NEDD9: variants seen among roughly 807,000 people sequenced by gnomAD.
The protein encoded by NEDD9 is neural precursor cell expressed, developmentally down-regulated 9, also known as enhancer of filamentation 1.
NEDD9 carries 26 observed loss-of-function variants against 76.6 expected under a neutral mutation model. That is an observed-to-expected ratio of 0.34 (90% CI 0.25 to 0.47). The LOEUF (loss-of-function observed/expected upper bound fraction) is 0.47. Ranked by LOEUF, NEDD9 falls within the 20% of genes least tolerant of loss-of-function variation. NEDD9 has a pLI of 1.00. For synonymous variants in NEDD9, 392 were observed against 414.2 expected (o/e 0.95, Z 0.65); for missense variants, 937 against 1,058.5 (o/e 0.89, Z 1.59).
intron 3 of NEDD9, among the ~76,000 whole-genome samples, chr6:11,257,671 A>G (rs1760030590): frequency 6.6e-6 from 1 of 152,156 alleles, no homozygotes; most frequent in South Asian, 2.1e-4. Context: ...ATTCCAATGC[A>G]GCAGAAGAGC....
rs1004710962 is a variant in NEDD9, at chr6:11,237,704, C to T, written c.13-23977G>A. ...GAGCTGTAATGGCAGACTCTGAGCA[C>T]ATGCCACAGAGATGGCAAAGCCCCC... On this transcript the variant is annotated intron_variant, in intron 3 of 3. Transcript: ENST00000397378. This position sits in a 1 kb window ranked among gnomAD's most constrained non-coding sequence, Gnocchi z 4.9. Among the ~76,000 whole-genome samples, 1 of 152,190 alleles carries T rather than the reference C, an allele frequency of 6.6e-6. No homozygotes were observed. The highest frequency in any genetic ancestry group is 2.4e-5 in the African/African-American group (1 of 41,426).
At chr6:11,224,254 G>A (rs1202523262) in intron 1 of NEDD9, among the ~76,000 whole-genome samples, 1 of 152,212 alleles carries the variant, frequency 6.6e-6, no homozygotes, top group African/African-American at 2.4e-5. Flanking sequence ...GGTGATGTCT[G>A]TAAGGAAATG....
At chr6:11,247,601 TC>T (rs1187479593) in intron 3 of NEDD9, among the ~76,000 whole-genome samples, 1 of 151,872 alleles carries the variant, frequency 6.6e-6, no homozygotes, top group Non-Finnish European at 1.5e-5. Context: ...ACTCCCCATT[TC>T]CCCCCAGGCC....
intron 3 of NEDD9, among the ~76,000 whole-genome samples, chr6:11,279,416 A>G (rs1225040708): frequency 1.3e-5 from 2 of 152,238 alleles, no homozygotes; most frequent in Non-Finnish European, 2.9e-5. Context: ...ACAGAGGACG[A>G]TGCCAGCGGC....
intron 2 of NEDD9, among the ~76,000 whole-genome samples, chr6:11,326,771 C>T (rs1362562576): frequency 3.3e-5 from 5 of 152,220 alleles, no homozygotes; most frequent in Admixed American, 1.3e-4. Context: ...GCCCCTGCCC[C>T]GTACCATCTT....
At chr6:11,224,873 G>A (rs1403701651) in intron 1 of NEDD9, among the ~76,000 whole-genome samples, 5 of 152,062 alleles carry the variant, frequency 3.3e-5, no homozygotes, top group African/African-American at 1.2e-4. Flanking sequence ...GAAAACAAGT[G>A]GACTGTCATG....
At chr6:11,330,257 G>T (rs1230435966) in intron 2 of NEDD9, among the ~76,000 whole-genome samples, 2 of 152,202 alleles carry the variant, frequency 1.3e-5, no homozygotes, top group Non-Finnish European at 2.9e-5. Flanking sequence ...TCCAAAGTTA[G>T]ACACTCCTTC....
chr6:11,247,916 G>T (rs1455079843), intron 3 of NEDD9, among the ~76,000 whole-genome samples: 1 of 152,146 alleles, frequency 6.6e-6, no homozygotes, highest in Non-Finnish European at 1.5e-5. Flanking sequence ...GAGAAAGAAG[G>T]TCCCATGAAG....
intron 2 of NEDD9, among the ~76,000 whole-genome samples, chr6:11,333,319 G>T (rs1762087950): frequency 6.6e-6 from 1 of 152,202 alleles, no homozygotes; most frequent in African/African-American, 2.4e-5. Context: ...TAGGAGAGTT[G>T]TGTTAGGCAA....
Position 11,191,204 on chromosome 6 carries a change from A to G in NEDD9, c.665T>C (p.Val222Ala), listed in dbSNP as rs1056456587. Residue 222 changes from valine to alanine, a missense_variant and splice_region_variant, in exon 5 of 7, where the codon GTA (valine) becomes GCA (alanine). Physicochemically the swap from Val to Ala is moderately conservative, Grantham distance 64 (BLOSUM62 0). Transcript: ENST00000379446. ...GCAAGCAGAGGGCGGAATGGCATATACCTGCAAAGCAAGTAGAAAGCGAAA... is the reference window on the plus strand; with the variant it reads ...GCAAGCAGAGGGCGGAATGGCATATGCCTGCAAAGCAAGTAGAAAGCGAAA... The part of the protein sequence containing the change: ...GVYDIPPTKG[V>A]YAIPPSACRD... The G allele has an allele frequency of 3.2e-6, 5 of 1,582,722 alleles. No homozygotes were observed. Among genetic ancestry groups the G allele is most frequent in the Admixed American group, 3.6e-5 (2 of 55,222 alleles).
Position 11,327,382 on chromosome 6 carries a change from G to A in NEDD9, c.-153+7119C>T, listed in dbSNP as rs140358528. Among the ~76,000 whole-genome samples the A allele has an allele frequency of 1.8e-4, 27 of 152,230 alleles. No individual in the cohort carries two copies. The East Asian group carries it at 3.9e-3, about 22-fold the overall frequency. ...CATTGAAATAACCAGTTATTGCACC[G>A]CGTTCATACAGTTTTAGGCAAAAGA... On this transcript the variant is annotated intron_variant, in intron 2 of 3. Transcript: ENST00000397378.
At chr6:11,365,065 C>G (rs1762737814) in intron 1 of NEDD9, among the ~76,000 whole-genome samples, 1 of 152,110 alleles carries the variant, frequency 6.6e-6, no homozygotes, top group South Asian at 2.1e-4. Flanking sequence ...TAGGGGAGCT[C>G]TTCTCATGAT....
At position 11,192,449 on chromosome 6, in the gene NEDD9, G is replaced by A; in HGVS notation, c.562-3C>T. ...GATGAGGGAGGGATGTCGTATACCT[G>A]AAGAGAAACCCGTGAGTTACCCAGA... is the stretch of plus-strand genomic sequence containing the variant. On this transcript the variant is annotated splice_region_variant and splice_polypyrimidine_tract_variant and intron_variant, in intron 3 of 6. Coordinates refer to ENST00000379446, the MANE Select transcript of NEDD9 (RefSeq NM_006403.4). 1 of 1,606,690 alleles carries A rather than the reference G, an allele frequency of 6.2e-7. No homozygotes were observed. Among genetic ancestry groups the A allele is most frequent in the East Asian group, 2.2e-5 (1 of 44,644 alleles).
At chr6:11,195,921 G>C (rs890405393) in intron 2 of NEDD9, among the ~76,000 whole-genome samples, 2 of 152,200 alleles carry the variant, frequency 1.3e-5, no homozygotes, top group Non-Finnish European at 2.9e-5. Context: ...TTGAATTCGA[G>C]AGGCGGAGGT....
chr6:11,319,447 T>C (rs1761693071), intron 2 of NEDD9, among the ~76,000 whole-genome samples: 1 of 148,622 alleles, frequency 6.7e-6, no homozygotes, highest in South Asian at 2.2e-4. Flanking sequence ...CACACTAACA[T>C]GTACACACAC....
At chr6:11,216,475 C>T (rs925629558) in intron 1 of NEDD9, among the ~76,000 whole-genome samples, 5 of 152,166 alleles carry the variant, frequency 3.3e-5, no homozygotes, top group East Asian at 1.9e-4. Flanking sequence ...CTATTGGCAG[C>T]GATGGAAAGA....
chr6:11,276,418 T>C (rs975783492), intron 3 of NEDD9, among the ~76,000 whole-genome samples: 2 of 152,218 alleles, frequency 1.3e-5, no homozygotes, highest in Non-Finnish European at 2.9e-5. Flanking sequence ...CACGTGTGTG[T>C]GCGCACGCGC....
rs540510994 is a variant in NEDD9 at position 11,321,137 on chromosome 6, A to AAGGGAGGGACAGAAGGAAGG, written c.-153+13344_-153+13363dup. ...GGGGCAAAGAAAGGAAGGAAGGAAG[A>AAGGGAGGGACAGAAGGAAGG]AGGGAGGGACAGAAGGAAGGAGGGA... On this transcript the variant is annotated intron_variant, in intron 2 of 3. Transcript: ENST00000397378. Among the ~76,000 whole-genome samples, 1,102 of 140,612 alleles carry AAGGGAGGGACAGAAGGAAGG rather than the reference A, an allele frequency of 7.8e-3. 10 individuals are homozygous for AAGGGAGGGACAGAAGGAAGG. The highest frequency in any genetic ancestry group is 0.015 in the East Asian group (66 of 4,310). The allele number at this position is 140,612 out of a possible 152,430, so 92.2% of individuals were successfully genotyped here.
intron 1 of NEDD9, among the ~76,000 whole-genome samples, chr6:11,349,259 TA>T (rs930469821): frequency 6.6e-6 from 1 of 151,898 alleles, no homozygotes. Context: ...TAACAAAAAA[TA>T]AAAAAATAAC....
Sources: allele counts gnomAD v4.1 joint callset (sites outside exome capture counted in the v4.1 genomes callset), GRCh38; gene constraint gnomAD v4.1.1; non-coding constraint Gnocchi (gnomAD v3.1); transcripts MANE v1.5; gene names NCBI Gene and HGNC (gene_info 2026-07-23, HGNC 2026-07-21).